The following CTRC variants were observed in gnomAD, a reference collection of about 807,000 sequenced individuals.
CTRC encodes the protein chymotrypsin C, also known as chymotrypsin-C.
In CTRC, 32 loss-of-function variants were observed where a neutral mutation model predicts 35.7. That is an observed-to-expected ratio of 0.90 (90% confidence interval 0.68 to 1.20). CTRC has a LOEUF of 1.20. CTRC is among the 50% of genes most tolerant of loss of function. The pLI is 0.00. For missense variants in CTRC, 324 were observed against 361.5 expected (o/e 0.90, Z 0.84); for synonymous variants, 119 against 149.5 (o/e 0.80, Z 1.49).
In CTRC at chr1:15,442,419, C is replaced by G. The variant is rs200425099; in HGVS notation, c.231-28C>G. 1.9e-5 allele frequency: 31 copies of G among 1,594,598 alleles called. No homozygotes were observed. In the African/African-American group the frequency reaches 3.6e-4, roughly 19 times the overall value. The stretch of plus-strand genomic sequence containing the variant: ...CTGGCTGGCAGGACCAGGGGGCCAC[C>G]CTGACCTGGACCCCTTCCTCTGCCC... On this transcript the variant is annotated intron_variant, in intron 3 of 7. Coordinates refer to ENST00000375949, the MANE Select transcript of CTRC (RefSeq NM_007272.3).
chr1:15,445,831 C>T (rs1708209745), intron 7 of CTRC, 82 bp downstream of exon 7: 1 of 1,504,210 alleles, frequency 6.6e-7, no homozygotes, highest in Non-Finnish European at 9.2e-7. Context: ...TTCACTCATT[C>T]ATGCGTTTAT....
rs1329902065 is a variant in CTRC, at chr1:15,444,639, G to A, written c.527G>A (p.Gly176Asp). 1.9e-6 allele frequency: 3 copies of A among 1,614,234 alleles called. No homozygotes were observed. The change falls in exon 6 of 8, where the codon GGC becomes GAC. Residue 176 changes from glycine to aspartate, a missense_variant. Gly to Asp is a moderately conservative substitution (Grantham distance 94). Coordinates refer to ENST00000375949, the MANE Select transcript of CTRC (RefSeq NM_007272.3). The part of the protein sequence containing the change: ...NGPIADKLQQ[G>D]LQPVVDHATC... ...CCCATTGCTGATAAGCTGCAGCAGG[G>A]CCTGCAGCCCGTGGTGGATCACGCC... is the stretch of plus-strand genomic sequence containing the variant.
At chr1:15,443,647 C>T in intron 5 of CTRC, 92 bp downstream of exon 5, 4 of 1,472,462 alleles carry the variant, frequency 2.7e-6, no homozygotes, top group Non-Finnish European at 3.8e-6. Flanking sequence ...TTTGCCTTCA[C>T]ATTTTCATGT....
intron 1 of CTRC, 78 bp downstream of exon 1, chr1:15,438,582 G>C (rs374402898): frequency 5.3e-6 from 8 of 1,514,724 alleles, no homozygotes; most frequent in African/African-American, 4.1e-5. Context: ...GATGGGGAGT[G>C]GGGGGGCCTC....
chr1:15,444,527 T>C (rs1238015976), intron 5 of CTRC, 79 bp from the exon 6 acceptor site: 2 of 1,582,522 alleles, frequency 1.3e-6, no homozygotes, highest in East Asian at 4.5e-5. Context: ...GTCCCAGGCA[T>C]CTGCTCCCTG....
intron 4 of CTRC, among the ~76,000 whole-genome samples, chr1:15,443,111 T>A (rs1304662433): frequency 1.3e-5 from 2 of 152,216 alleles, no homozygotes; most frequent in Non-Finnish European, 2.9e-5. Flanking sequence ...TGCTATAGCC[T>A]CTGTTTCAAT....
At chr1:15,440,115 A>AT (rs1316784457) in intron 1 of CTRC, among the ~76,000 whole-genome samples, 185 bp from the exon 2 acceptor site, 2 of 152,142 alleles carry the variant, frequency 1.3e-5, no homozygotes, top group Non-Finnish European at 2.9e-5. Context: ...GATTCTTCAC[A>AT]TTTCACAGAA....
In CTRC at chr1:15,446,567, T is replaced by C; in HGVS notation, c.793-8T>C. On this transcript the variant is annotated splice_region_variant and splice_polypyrimidine_tract_variant and intron_variant, in intron 7 of 7. Coordinates refer to ENST00000375949, the MANE Select transcript of CTRC (RefSeq NM_007272.3). ...CTGAGTCTCTCACACTGTTCTCTGC[T>C]CCTCCAGAAAATGCAGCTGTGATTT... is the stretch of plus-strand genomic sequence containing the variant. The C allele has an allele frequency of 6.2e-7, 1 of 1,614,122 alleles. No homozygotes were observed. Among genetic ancestry groups the C allele is most frequent in the Non-Finnish European group, 8.5e-7 (1 of 1,180,000 alleles).
In CTRC at chr1:15,440,604, A is replaced by G. The variant is rs1042720496; in HGVS notation, c.230+14A>G. On this transcript the variant is annotated intron_variant, in intron 3 of 7. Coordinates refer to ENST00000375949, the MANE Select transcript of CTRC (RefSeq NM_007272.3). The stretch of plus-strand genomic sequence containing the variant: ...CCACTGCATCAGGTGTGCGGGGATG[A>G]TACCCTGAGACCTGGCCATCGTCCG... 1 of 1,612,852 alleles carries G rather than the reference A, an allele frequency of 6.2e-7. No individual in the cohort carries two copies. Among genetic ancestry groups the G allele is most frequent in the Non-Finnish European group, 8.5e-7 (1 of 1,179,128 alleles).
At position 15,448,803 on chromosome 1, in the gene CTRC, A is replaced by C. The variant is rs561982072; in HGVS notation, c.*2214A>C. ...ACCACACCCGGTCTCATTCCCAGCT[A>C]TCTTCTTTTGTGTATGTCTTTATAT... On this transcript the variant is annotated 3_prime_UTR_variant, in exon 8 of 8. Transcript: ENST00000375949. 1 of 152,222 alleles carries C rather than the reference A, an allele frequency of 6.6e-6. No homozygotes were observed. Among genetic ancestry groups the C allele is most frequent in the South Asian group, 2.1e-4 (1 of 4,826 alleles). 9.4% of individuals were successfully genotyped at this position (152,222 alleles called of 1,614,324 possible).
At position 15,442,126 on chromosome 1, in the gene CTRC, C is replaced by T. The variant is rs539542990; in HGVS notation, c.231-321C>T. 3.9e-5 allele frequency among the ~76,000 whole-genome samples: 6 copies of T among 152,244 alleles called. No individual in the cohort carries two copies. In the East Asian group the frequency reaches 9.6e-4, roughly 24 times the overall value. On this transcript the variant is annotated intron_variant, in intron 3 of 7. Transcript: ENST00000375949. ...AAGTGAGAGATAGTTAGATGGATGC[C>T]GCAACTGTGCAGGCAAGGGCGGTGG...
chr1:15,442,314 C>G, intron 3 of CTRC, 133 bp from the exon 4 acceptor site: 1 of 1,194,084 alleles, frequency 8.4e-7, no homozygotes, highest in Non-Finnish European at 1.2e-6. Flanking sequence ...CCCTTCCCCT[C>G]ACCCTGGGAA....
At chr1:15,440,428 G>A in intron 2 of CTRC, 37 bp downstream of exon 2, 3 of 1,612,090 alleles carry the variant, frequency 1.9e-6, no homozygotes, top group East Asian at 2.2e-5. Context: ...CAGATAGAGA[G>A]GGTGGCGGGG....
Position 15,442,542 on chromosome 1 carries a change from TC to T in CTRC, c.328del (p.His110ThrfsTer24). Reference sequence around the variant, plus strand: ...TTTGTGGGTGTGGACACCATCCACGTCCACAAGAGATGGAATGCCCTCCTGT... The same window carrying T: ...TTTGTGGGTGTGGACACCATCCACGTCACAAGAGATGGAATGCCCTCCTGT... Reference protein sequence around the residue: ...SLFVGVDTIHVHKRWNALLLR... With the variant: ...SLFVGVDTIHXHKRWNALLLR... On this transcript the variant is annotated frameshift_variant, in exon 4 of 8. Transcript: ENST00000375949. LOFTEE classifies it high-confidence loss of function. 6.2e-7 allele frequency: 1 copy of T among 1,614,084 alleles called. No homozygotes were observed. Among genetic ancestry groups the T allele is most frequent in the Admixed American group, 1.7e-5 (1 of 60,008 alleles).
intron 4 of CTRC, 63 bp from the exon 5 acceptor site, chr1:15,443,356 T>C (rs1708164025): frequency 6.2e-7 from 1 of 1,609,444 alleles, no homozygotes. Flanking sequence ...CCCGAGCCCC[T>C]TAGCCTGAGC....
intron 1 of CTRC, 116 bp downstream of exon 1, chr1:15,438,620 C>A: frequency 8.4e-7 from 1 of 1,187,564 alleles, no homozygotes; most frequent in Non-Finnish European, 1.2e-6. Context: ...ACTTTGGGGT[C>A]CCCTGTGGGT....
chr1:15,446,221 T>C (rs1570787282), intron 7 of CTRC, among the ~76,000 whole-genome samples: 1 of 152,254 alleles, frequency 6.6e-6, no homozygotes, highest in Admixed American at 6.5e-5. Context: ...CAAGCACTTA[T>C]GTCCCCATCC....
chr1:15,445,014 G>A (rs1708195739), intron 6 of CTRC, among the ~76,000 whole-genome samples: 1 of 152,166 alleles, frequency 6.6e-6, no homozygotes, highest in Non-Finnish European at 1.5e-5. Flanking sequence ...TCTGACCTCA[G>A]TTTTTCCATC....
At position 15,447,426 on chromosome 1, in the gene CTRC, G is replaced by C. The variant is rs993953047; in HGVS notation, c.*837G>C. 6.5e-6 allele frequency: 1 copy of C among 153,450 alleles called. No individual in the cohort carries two copies. The highest frequency in any genetic ancestry group is 1.5e-5 in the Non-Finnish European group (1 of 68,822). The allele number at this position is 153,450 out of a possible 1,614,324, so 9.5% of individuals were successfully genotyped here. On this transcript the variant is annotated 3_prime_UTR_variant, in exon 8 of 8. Transcript: ENST00000375949. Reference sequence around the variant, plus strand: ...CCAGAGAGAGGAAGGAGTTGGGATAGCTGGCAATGCCTGATCCAGGAGAAG... The same window carrying C: ...CCAGAGAGAGGAAGGAGTTGGGATACCTGGCAATGCCTGATCCAGGAGAAG...
Sources: allele counts gnomAD v4.1 joint callset (sites outside exome capture counted in the v4.1 genomes callset), GRCh38; gene constraint gnomAD v4.1.1; transcripts MANE v1.5; gene names NCBI Gene and HGNC (gene_info 2026-07-23, HGNC 2026-07-21).